NAA11: variants seen among roughly 807,000 people sequenced by gnomAD.
NAA11 encodes N-alpha-acetyltransferase 11, NatA catalytic subunit.
In NAA11, 15 loss-of-function variants were observed where a neutral mutation model predicts 16.1. The ratio of observed to expected loss-of-function variants is 0.93; its 90% CI spans 0.62 to 1.44. The LOEUF (loss-of-function observed/expected upper bound fraction) is 1.44. Ranked by LOEUF, NAA11 falls within the 40% of genes most tolerant of loss-of-function variation. The probability of loss-of-function intolerance (pLI) is 0.00; values close to 1 mark genes in which losing one functional copy is unlikely to be tolerated. For synonymous variants in NAA11, 122 were observed against 112.4 expected, an observed-to-expected ratio of 1.09 and a Z score of -0.54; for missense variants, 298 against 291.3, an observed-to-expected ratio of 1.02 and a Z score of -0.17.
At chr4:79,322,701 T>C (rs1272572913) in intron 1 of NAA11, among the ~76,000 whole-genome samples, 1 of 152,134 alleles carries the variant, frequency 6.6e-6, no homozygotes, top group Non-Finnish European at 1.5e-5. Context: ...CTCCAGGGTT[T>C]TCAAGACAGG....
chr4:79,312,648 A>C (rs945601094), downstream of NAA11, among the ~76,000 whole-genome samples: 1 of 36,834 alleles, frequency 2.7e-5, no homozygotes, highest in East Asian at 4.7e-3. Flanking sequence ...CTCCATCTCA[A>C]AAAAAAAAAA....
downstream of NAA11, among the ~76,000 whole-genome samples, chr4:79,224,503 A>G (rs1721268837): frequency 6.6e-6 from 1 of 152,140 alleles, no homozygotes; most frequent in Non-Finnish European, 1.5e-5. Flanking sequence ...ACAAAAATGT[A>G]AGACAAAAAA....
chr4:79,252,316 T>C (rs560184727), intron 2 of NAA11, among the ~76,000 whole-genome samples: 13 of 152,224 alleles, frequency 8.5e-5, no homozygotes, highest in East Asian at 3.9e-4. Context: ...AAAACTGCAT[T>C]TGTACCCCTA....
At chr4:79,308,070 T>A (rs2110008247) in intron 1 of NAA11, among the ~76,000 whole-genome samples, 1 of 152,184 alleles carries the variant, frequency 6.6e-6, no homozygotes, top group South Asian at 2.1e-4. Flanking sequence ...CTCTATATCC[T>A]TTATAAAAAT....
chr4:79,292,588 A>G (rs1382896669), intron 2 of NAA11, among the ~76,000 whole-genome samples: 1 of 152,204 alleles, frequency 6.6e-6, no homozygotes, highest in Non-Finnish European at 1.5e-5. Context: ...GCCCATTCCA[A>G]TTATTGATGC....
the NAA11 span, among the ~76,000 whole-genome samples, chr4:79,203,256 T>G: frequency 6.6e-6 from 1 of 151,706 alleles, no homozygotes; most frequent in African/African-American, 2.4e-5. Context: ...CCATTAAGGG[T>G]AGTCAAATGA....
chr4:79,215,396 G>C, the NAA11 span, among the ~76,000 whole-genome samples: 1 of 152,134 alleles, frequency 6.6e-6, no homozygotes, highest in Non-Finnish European at 1.5e-5. Context: ...CCTGAGAAAA[G>C]AGTAGACTGG....
the NAA11 span, among the ~76,000 whole-genome samples, chr4:79,170,114 C>T: frequency 2.0e-5 from 3 of 152,136 alleles, no homozygotes; most frequent in Non-Finnish European, 2.9e-5. Context: ...CAAAGTGATG[C>T]TAGATCCTGA....
intron 2 of NAA11, among the ~76,000 whole-genome samples, chr4:79,290,653 C>T (rs1723059380): frequency 2.0e-5 from 3 of 152,170 alleles, no homozygotes; most frequent in African/African-American, 7.2e-5. Flanking sequence ...CAGTTGTCAA[C>T]TTGCTGCATG....
At chr4:79,308,286 T>C (rs1326346334) in intron 1 of NAA11, 1 of 152,166 alleles carries the variant, frequency 6.6e-6, no homozygotes, top group Non-Finnish European at 1.5e-5. Context: ...GTAAATTTCG[T>C]TGAATGATGG....
chr4:79,175,111 A>G, the NAA11 span, among the ~76,000 whole-genome samples: 1 of 152,080 alleles, frequency 6.6e-6, no homozygotes, highest in Admixed American at 6.6e-5. Flanking sequence ...CTGTGTCTCT[A>G]AAGTTCTTGA....
exon 3 of NAA11, chr4:79,225,924 AAC>A (rs955986732): frequency 3.9e-5 from 6 of 152,084 alleles, no homozygotes; most frequent in Non-Finnish European, 7.4e-5. Context: ...AGCAACTGTC[AAC>A]ACACACATTC....
chr4:79,313,782 A>T (rs1723851403), downstream of NAA11, among the ~76,000 whole-genome samples: 1 of 152,140 alleles, frequency 6.6e-6, no homozygotes, highest in Non-Finnish European at 1.5e-5. Flanking sequence ...GTTTCACTGG[A>T]TTTTGGCTGG....
intron 2 of NAA11, among the ~76,000 whole-genome samples, chr4:79,282,618 A>G (rs1054946928): frequency 6.6e-6 from 1 of 152,114 alleles, no homozygotes; most frequent in Non-Finnish European, 1.5e-5. Context: ...TGGTGTATTG[A>G]TGATTGTTTA....
the NAA11 span, among the ~76,000 whole-genome samples, chr4:79,156,629 T>C: frequency 6.6e-6 from 1 of 152,172 alleles, no homozygotes; most frequent in Non-Finnish European, 1.5e-5. Flanking sequence ...CCAATTTAAA[T>C]GTTAATTTCA....
chr4:79,188,903 T>A, the NAA11 span, among the ~76,000 whole-genome samples: 1 of 151,748 alleles, frequency 6.6e-6, no homozygotes, highest in Admixed American at 6.6e-5. Flanking sequence ...GACCCTGCCC[T>A]GGGGATCACC....
intron 1 of NAA11, among the ~76,000 whole-genome samples, chr4:79,310,738 ATTAT>A (rs1476173818): frequency 6.6e-6 from 1 of 152,212 alleles, no homozygotes; most frequent in Non-Finnish European, 1.5e-5. Flanking sequence ...ACATCTAAAT[ATTAT>A]TTATAGGAGC....
intron 2 of NAA11, among the ~76,000 whole-genome samples, chr4:79,236,811 A>G (rs367742414): frequency 1.7e-4 from 26 of 152,264 alleles, no homozygotes; most frequent in African/African-American, 6.0e-4. Flanking sequence ...GAGGAGCTTA[A>G]CACTTCATGG....
At chr4:79,220,598 T>C in the NAA11 span, among the ~76,000 whole-genome samples, 2 of 152,150 alleles carry the variant, frequency 1.3e-5, no homozygotes, top group African/African-American at 4.8e-5. Context: ...TGGTACCTAA[T>C]AGTATTAATT....
Sources: gnomAD v4.1 joint callset for allele counts (sites outside exome capture counted in the v4.1 genomes callset) on GRCh38, gnomAD v4.1.1 for gene constraint, MANE v1.5 for transcripts, NCBI Gene and HGNC (gene_info 2026-07-23, HGNC 2026-07-21) for gene names.